USP16: variants seen among roughly 807,000 people sequenced by gnomAD.
USP16 encodes ubiquitin specific peptidase 16.
In USP16, 77 loss-of-function variants were observed where a neutral mutation model predicts 95.9. The observed-to-expected ratio is 0.80, with a 90% CI of 0.67 to 0.97. The LOEUF (loss-of-function observed/expected upper bound fraction) is 0.97, where lower values mean the gene tolerates loss of function less well. Ranked by LOEUF, USP16 falls within the 50% of genes least tolerant of loss-of-function variation. The pLI is 0.00. For missense variants in USP16, 943 were observed against 959.9 expected (o/e 0.98, Z 0.23); for synonymous variants, 303 against 318.2 (o/e 0.95, Z 0.51).
chr21:29,034,845 C>T lies in USP16; in HGVS notation c.249C>T (p.Gly83=). The change falls in exon 4 of 18, where the codon GGC becomes GGT. Residue 83 remains glycine (G), a synonymous_variant. Coordinates refer to ENST00000399976, the MANE Select transcript of USP16 (RefSeq NM_006447.3). ...LCLKCGHQGC[G]RNSQEQHALK... ...GATTATGATTTTTTTAGGGCTGTGG[C>T]AGAAATTCTCAGGAGCAGCATGCCT... The T allele has an allele frequency of 6.2e-7, 1 of 1,613,882 alleles. No homozygotes were observed. Among genetic ancestry groups the T allele is most frequent in the Non-Finnish European group, 8.5e-7 (1 of 1,179,920 alleles).
intron 4 of USP16, 46 bp downstream of exon 4, chr21:29,034,986 A>G: frequency 6.5e-7 from 1 of 1,536,906 alleles, no homozygotes; most frequent in Non-Finnish European, 8.9e-7. Context: ...TATTTGAAAT[A>G]TTAGAGAATG....
At position 29,027,620 on chromosome 21, in the gene USP16, C is replaced by T. The variant is rs1208845794; in HGVS notation, c.-41-253C>T. Reference sequence around the variant, plus strand: ...CTGTGTAAGATGACCAAGGTTCTCTCCTGACCTTTACATATATTGAAAACC... The same window carrying T: ...CTGTGTAAGATGACCAAGGTTCTCTTCTGACCTTTACATATATTGAAAACC... On this transcript the variant is annotated intron_variant, in intron 1 of 17. Coordinates refer to ENST00000399976, the MANE Select transcript of USP16 (RefSeq NM_006447.3). 2.6e-5 allele frequency among the ~76,000 whole-genome samples: 4 copies of T among 152,202 alleles called. No homozygotes were observed. In the East Asian group the frequency reaches 7.7e-4, roughly 29 times the overall value.
In USP16 at chr21:29,045,670, C is replaced by T. The variant is rs150692145; in HGVS notation, c.1357-997C>T. Among the ~76,000 whole-genome samples, 1,095 of 152,122 alleles carry T rather than the reference C, an allele frequency of 7.2e-3. 12 individuals carry two copies. The highest frequency in any genetic ancestry group is 0.025 in the African/African-American group (1,035 of 41,492). ...ACCGTGTGGTATAACATTTGACTGC[C>T]TGGGTTTAACAGTCTTAGTACTCTG... is the stretch of plus-strand genomic sequence containing the variant. On this transcript the variant is annotated intron_variant, in intron 13 of 17. Coordinates refer to ENST00000399976, the MANE Select transcript of USP16 (RefSeq NM_006447.3).
At chr21:29,048,735 T>A (rs1217365316) in intron 14 of USP16, 26 bp from the exon 15 acceptor site, 1 of 1,568,778 alleles carries the variant, frequency 6.4e-7, no homozygotes, top group Non-Finnish European at 8.8e-7. Flanking sequence ...ATTTTCTCCC[T>A]GTTAAAAATT....
At chr21:29,030,337 A>T (rs1449846084) in intron 2 of USP16, among the ~76,000 whole-genome samples, 2 of 152,208 alleles carry the variant, frequency 1.3e-5, no homozygotes, top group South Asian at 4.1e-4. Flanking sequence ...ATAAATTGAA[A>T]TGAATTTGTA....
At position 29,042,492 on chromosome 21, in the gene USP16, T is replaced by A; in HGVS notation, c.1143T>A (p.Ser381=). ...QCRTVSLVHE[S]FLDLSLPVLD... is the part of the protein sequence containing the mutation. ...TTAAGGTCTCCTTGGTTCATGAATC[T>A]TTCCTTGATTTGTCCCTCCCAGTTT... The change falls in exon 12 of 18, where the codon TCT becomes TCA. Residue 381 remains serine, a synonymous_variant. Coordinates refer to ENST00000399976, the MANE Select transcript of USP16 (RefSeq NM_006447.3). The A allele has an allele frequency of 1.9e-6, 3 of 1,603,866 alleles. No individual in the cohort carries two copies. The highest frequency in any genetic ancestry group is 2.5e-6 in the Non-Finnish European group (3 of 1,176,860).
chr21:29,048,036 T>A (rs1013442250), intron 14 of USP16, among the ~76,000 whole-genome samples: 2 of 144,254 alleles, frequency 1.4e-5, no homozygotes, highest in African/African-American at 5.2e-5. Flanking sequence ...ATATATCAGC[T>A]CAGAGACGAT....
chr21:29,035,464 C>G (rs2085140544), intron 4 of USP16, among the ~76,000 whole-genome samples: 1 of 150,270 alleles, frequency 6.7e-6, no homozygotes, highest in Non-Finnish European at 1.5e-5. Context: ...ACCTCCGCCT[C>G]CCAGGTTCAA....
At chr21:29,037,562 T>C in intron 6 of USP16, 99 bp downstream of exon 6, 2 of 908,194 alleles carry the variant, frequency 2.2e-6, no homozygotes, top group Non-Finnish European at 3.1e-6. Context: ...AATTTATTTC[T>C]ATGTATCCAA....
chr21:29,037,219 T>C, intron 5 of USP16, 57 bp from the exon 6 acceptor site: 1 of 1,135,764 alleles, frequency 8.8e-7, no homozygotes, highest in Non-Finnish European at 1.2e-6. Flanking sequence ...CCAAGTATAC[T>C]TCTGCATTCG....
chr21:29,034,909 C>G lies in USP16; in HGVS notation c.313C>G (p.Leu105Val). 3 of 1,614,060 alleles carry G rather than the reference C, an allele frequency of 1.9e-6. No homozygotes were observed. The highest frequency in any genetic ancestry group is 2.5e-6 in the Non-Finnish European group (3 of 1,179,968). The change falls in exon 4 of 18, where the codon CTG (leucine) becomes GTG (valine). Residue 105 changes from leucine to valine, a missense_variant. Transcript: ENST00000399976. ...YLTPRSEPHC[L>V]VLSLDNWSVW... ...GACGCCAAGATCTGAACCTCACTGT[C>G]TGGTTCTTAGTTTGGACAACTGGAG...
intron 3 of USP16, among the ~76,000 whole-genome samples, chr21:29,031,448 T>C (rs2085074996): frequency 6.6e-6 from 1 of 152,304 alleles, no homozygotes; most frequent in African/African-American, 2.4e-5. Context: ...AGTTTTTTGT[T>C]GTTTTTTTGA....
At chr21:29,045,695 G>C (rs1014058780) in intron 13 of USP16, among the ~76,000 whole-genome samples, 3 of 151,998 alleles carry the variant, frequency 2.0e-5, no homozygotes, top group Non-Finnish European at 2.9e-5. Flanking sequence ...TTAGTACTCT[G>C]CCTGGATTAC....
rs780459691 is a variant in USP16, at chr21:29,047,249, C to T, written c.1939C>T (p.Arg647Ter). 10 of 1,614,072 alleles carry T rather than the reference C, an allele frequency of 6.2e-6. No individual in the cohort carries two copies. The highest frequency in any genetic ancestry group is 2.2e-5 in the East Asian group (1 of 44,864). ...LYQFTRNEKLRDANKLLCEVC... is the reference protein window; with the variant it reads ...LYQFTRNEKL Reference sequence around the variant, plus strand: ...TCAGTTCACCCGTAATGAGAAACTTCGAGATGCGAATAAACTGCTTTGTGA... The same window carrying T: ...TCAGTTCACCCGTAATGAGAAACTTTGAGATGCGAATAAACTGCTTTGTGA... The change falls in exon 14 of 18, where the codon CGA (arginine) becomes TGA (stop). Residue 647 changes from arginine (R) to a stop codon, truncating the protein, a stop_gained. Transcript: ENST00000399976. LOFTEE classifies it high-confidence loss of function.
At chr21:29,048,571 T>G (rs2085366243) in intron 14 of USP16, among the ~76,000 whole-genome samples, 190 bp from the exon 15 acceptor site, 1 of 152,226 alleles carries the variant, frequency 6.6e-6, no homozygotes, top group Non-Finnish European at 1.5e-5. Context: ...TTTAATCTCA[T>G]AAATACCTAT....
At chr21:29,032,532 A>G (rs763595013) in intron 3 of USP16, among the ~76,000 whole-genome samples, 1 of 152,208 alleles carries the variant, frequency 6.6e-6, no homozygotes, top group East Asian at 1.9e-4. Context: ...GTGCCCAGCC[A>G]GGATTGGCTT....
chr21:29,042,364 T>G (rs577319467), intron 11 of USP16, 108 bp from the exon 12 acceptor site: 1 of 1,154,278 alleles, frequency 8.7e-7, no homozygotes, highest in South Asian at 1.5e-5. Flanking sequence ...AAGCCTTTGT[T>G]TATTTTAAAA....
chr21:29,038,129 A>G (rs150108349), intron 6 of USP16, among the ~76,000 whole-genome samples: 27 of 152,314 alleles, frequency 1.8e-4, no homozygotes, highest in Non-Finnish European at 3.4e-4. Flanking sequence ...AGAATGCCCC[A>G]CTGAGGTGAT....
rs1313578480 is a variant in USP16, at chr21:29,042,019, A to G, written c.1037A>G (p.Glu346Gly). 6.2e-7 allele frequency: 1 copy of G among 1,612,698 alleles called. No individual in the cohort carries two copies. The highest frequency in any genetic ancestry group is 1.1e-5 in the South Asian group (1 of 91,008). The change falls in exon 11 of 18, where the codon GAG becomes GGG. Residue 346 changes from glutamate to glycine, a missense_variant. By Grantham distance (98) the Glu-to-Gly change is moderately conservative (BLOSUM62 -2). Coordinates refer to ENST00000399976, the MANE Select transcript of USP16 (RefSeq NM_006447.3). ...EELKNKVKDY[E>G]KKKSMPSFVD... Reference sequence around the variant, plus strand: ...GACTTTTTTTTCTCCATAGATTATGAGAAGAAAAAATCAATGCCAAGTTTT... The same window carrying G: ...GACTTTTTTTTCTCCATAGATTATGGGAAGAAAAAATCAATGCCAAGTTTT...
Sources: allele counts gnomAD v4.1 joint callset (sites outside exome capture counted in the v4.1 genomes callset), GRCh38; gene constraint gnomAD v4.1.1; transcripts MANE v1.5; gene names NCBI Gene and HGNC (gene_info 2026-07-23, HGNC 2026-07-21).